Variants in PTPRD observed in about 807,000 individuals in gnomAD.
The protein encoded by PTPRD is receptor-type tyrosine-protein phosphatase delta.
Under a neutral mutation model 214.5 loss-of-function variants are expected in PTPRD, and 34 were observed. The observed-to-expected ratio is 0.16, with a 90% confidence interval of 0.12 to 0.21. PTPRD has a LOEUF of 0.21. Ranked by LOEUF, PTPRD falls within the 10% of genes least tolerant of loss-of-function variation. The probability of loss-of-function intolerance (pLI) is 1.00; values close to 1 mark genes in which losing one functional copy is unlikely to be tolerated. For missense variants in PTPRD, 2,545 were observed against 2,398.7 expected (o/e 1.06, Z -1.27); for synonymous variants, 1,128 against 845.7 (o/e 1.33, Z -5.79).
intron 8 of PTPRD, among the ~76,000 whole-genome samples, chr9:9,555,349 A>G (rs575442170): frequency 6.6e-6 from 1 of 152,086 alleles, no homozygotes; most frequent in East Asian, 1.9e-4. Context: ...GTTGAGCAAC[A>G]TCACACATTA....
chr9:8,870,068 C>G (rs945781904), intron 11 of PTPRD, among the ~76,000 whole-genome samples: 9 of 150,772 alleles, frequency 6.0e-5, no homozygotes, highest in African/African-American at 2.2e-4. Flanking sequence ...AGCTGTCATA[C>G]TCAGGGAGAG....
intron 11 of PTPRD, among the ~76,000 whole-genome samples, chr9:8,972,391 T>C (rs1386885394): frequency 6.6e-6 from 1 of 151,828 alleles, no homozygotes; most frequent in Non-Finnish European, 1.5e-5. Flanking sequence ...TCCCCAAAAG[T>C]CACATTTAAC....
At chr9:8,873,231 G>C (rs1159269144) in intron 11 of PTPRD, among the ~76,000 whole-genome samples, 2 of 152,120 alleles carry the variant, frequency 1.3e-5, no homozygotes, top group African/African-American at 2.4e-5. Context: ...TTGAATGAAG[G>C]AATCTTTATA....
At chr9:8,591,015 A>G (rs994769707) in intron 14 of PTPRD, among the ~76,000 whole-genome samples, 2 of 152,122 alleles carry the variant, frequency 1.3e-5, no homozygotes, top group African/African-American at 4.8e-5. Flanking sequence ...GAGGCTGCCC[A>G]CATTCCTTGG....
intron 44 of PTPRD, among the ~76,000 whole-genome samples, chr9:8,321,507 AT>A (rs1827928326): frequency 2.0e-5 from 2 of 100,020 alleles, no homozygotes; most frequent in Non-Finnish European, 2.1e-5. Context: ...ATATATATAT[AT>A]ATATATATAT....
chr9:8,906,665 T>C (rs2098709967), intron 11 of PTPRD, among the ~76,000 whole-genome samples: 1 of 152,132 alleles, frequency 6.6e-6, no homozygotes, highest in Non-Finnish European at 1.5e-5. Flanking sequence ...TGCCTGGGGT[T>C]CCTCCCATTT....
intron 36 of PTPRD, among the ~76,000 whole-genome samples, chr9:8,393,354 G>A (rs1217791547): frequency 6.6e-6 from 1 of 152,136 alleles, no homozygotes; most frequent in Non-Finnish European, 1.5e-5. Context: ...TAAATTAGGT[G>A]ATTGCTTTTC....
chr9:9,311,932 G>C (rs905537987), intron 9 of PTPRD, among the ~76,000 whole-genome samples: 3 of 152,138 alleles, frequency 2.0e-5, no homozygotes, highest in African/African-American at 7.2e-5. Flanking sequence ...TTTTATACCA[G>C]TGTCAATAAT....
At chr9:9,920,019 T>G (rs2082110299) in intron 5 of PTPRD, among the ~76,000 whole-genome samples, 1 of 152,142 alleles carries the variant, frequency 6.6e-6, no homozygotes, top group Non-Finnish European at 1.5e-5. Flanking sequence ...AGATCTTTTC[T>G]TGAGGTTACA....
chr9:9,011,088 G>C (rs1730598090), intron 11 of PTPRD, among the ~76,000 whole-genome samples: 1 of 152,090 alleles, frequency 6.6e-6, no homozygotes, highest in Admixed American at 6.6e-5. Flanking sequence ...TTACCTTAGA[G>C]ACTGTGTCTC....
chr9:10,372,439 G>A (rs1003118811), intron 2 of PTPRD, among the ~76,000 whole-genome samples: 1 of 152,154 alleles, frequency 6.6e-6, no homozygotes, highest in African/African-American at 2.4e-5. Context: ...GATAGTCAAT[G>A]ACACATATCT....
At chr9:9,504,352 C>G (rs1422010289) in intron 8 of PTPRD, among the ~76,000 whole-genome samples, 1 of 151,542 alleles carries the variant, frequency 6.6e-6, no homozygotes, top group Non-Finnish European at 1.5e-5. Flanking sequence ...TTTCATAGTC[C>G]CATTGTTCTT....
At chr9:9,204,303 G>A (rs1569561968) in intron 9 of PTPRD, among the ~76,000 whole-genome samples, 1 of 152,126 alleles carries the variant, frequency 6.6e-6, no homozygotes, top group East Asian at 1.9e-4. Context: ...ATTTCTCACT[G>A]CAAACAGGTC....
At chr9:8,434,438 T>C (rs915811966) in intron 35 of PTPRD, among the ~76,000 whole-genome samples, 1 of 152,206 alleles carries the variant, frequency 6.6e-6, no homozygotes, top group Non-Finnish European at 1.5e-5. Flanking sequence ...CTAGGTTTGC[T>C]ATACTCCACG....
intron 3 of PTPRD, among the ~76,000 whole-genome samples, chr9:10,226,318 T>C (rs919656835): frequency 6.6e-6 from 1 of 152,078 alleles, no homozygotes; most frequent in Non-Finnish European, 1.5e-5. Context: ...CTCATGTCCA[T>C]GCCTCCTTGC....
In PTPRD at chr9:9,389,820, C is replaced by A. The variant is rs1175853403; in HGVS notation, c.-203+7629G>T. Among the ~76,000 whole-genome samples the A allele has an allele frequency of 2.0e-5, 3 of 152,242 alleles. No homozygotes were observed. In the East Asian group the frequency reaches 5.8e-4, roughly 29 times the overall value. ...ATAGTTATTGAACATTCACTCTGTG[C>A]CAGAGCCTGGGGATACAGGAGGGGA... is the stretch of plus-strand genomic sequence containing the variant. On this transcript the variant is annotated intron_variant, in intron 9 of 45. Transcript: ENST00000381196.
chr9:8,327,527 G>A (rs1433914501), intron 44 of PTPRD, among the ~76,000 whole-genome samples: 1 of 152,162 alleles, frequency 6.6e-6, no homozygotes, highest in African/African-American at 2.4e-5. Context: ...TGGGTGGAGA[G>A]TTCTGTAGAT....
chr9:10,242,405 T>C (rs1469331716), intron 3 of PTPRD, among the ~76,000 whole-genome samples: 1 of 151,974 alleles, frequency 6.6e-6, no homozygotes, highest in Non-Finnish European at 1.5e-5. Flanking sequence ...CCAAAACTCA[T>C]TTTAAACACA....
At chr9:9,405,960 A>G (rs1391992881) in intron 8 of PTPRD, among the ~76,000 whole-genome samples, 1 of 152,014 alleles carries the variant, frequency 6.6e-6, no homozygotes, top group African/African-American at 2.4e-5. Context: ...TTTGTGCTAA[A>G]AAAATTGCAA....
Sources: allele counts gnomAD v4.1 joint callset (sites outside exome capture counted in the v4.1 genomes callset), GRCh38; gene constraint gnomAD v4.1.1; transcripts MANE v1.5; gene names NCBI Gene and HGNC (gene_info 2026-07-23, HGNC 2026-07-21).